The following UGGT2 variants were observed in gnomAD, a reference collection of about 807,000 sequenced individuals.
The protein encoded by UGGT2 is UDP-glucose:glycoprotein glucosyltransferase 2.
Under a neutral mutation model 192.1 loss-of-function variants are expected in UGGT2, and 180 were observed. The ratio of observed to expected loss-of-function variants is 0.94; its 90% CI spans 0.83 to 1.06. UGGT2 has a LOEUF of 1.06. Among genes scored for constraint, UGGT2 ranks in the 50% least tolerant of loss-of-function variants. UGGT2 has a pLI of 0.00. For missense variants in UGGT2, 1,849 were observed against 1,795.7 expected (o/e 1.03, Z -0.54); for synonymous variants, 580 against 591.0 (o/e 0.98, Z 0.27).
chr13:96,044,350 C>T (rs1443895995), intron 1 of UGGT2, among the ~76,000 whole-genome samples: 2 of 152,152 alleles, frequency 1.3e-5, no homozygotes, highest in Non-Finnish European at 2.9e-5. Context: ...CTCTGGGATA[C>T]AGCAAAGGCT....
At chr13:95,859,744 T>TG in intron 32 of UGGT2, 69 bp from the exon 33 acceptor site, 1 of 1,167,050 alleles carries the variant, frequency 8.6e-7, no homozygotes. Flanking sequence ...TTTTTAACCT[T>TG]GAAGTGTTTT....
chr13:95,990,576 T>C (rs1305440433), intron 7 of UGGT2: 5 of 152,218 alleles, frequency 3.3e-5, no homozygotes, highest in African/African-American at 9.6e-5. Flanking sequence ...CAAATAATGA[T>C]GTAGTAGAAT....
At position 96,031,976 on chromosome 13, in the gene UGGT2, T is replaced by TA. The variant is rs2052849762; in HGVS notation, c.159-6dup. 7 of 1,600,072 alleles carry TA rather than the reference T, an allele frequency of 4.4e-6. No individual in the cohort carries two copies. The highest frequency in any genetic ancestry group is 5.1e-6 in the Non-Finnish European group (6 of 1,169,252). On this transcript the variant is annotated splice_polypyrimidine_tract_variant and splice_region_variant and intron_variant, in intron 1 of 38. Coordinates refer to ENST00000376747, the MANE Select transcript of UGGT2 (RefSeq NM_020121.4). ...CTTTCTTCTGCCATAAATTCACTAT[T>TA]AAAAAAATAGAAGTAATCGGTTAGT...
chr13:95,880,013 G>A lies in UGGT2; in HGVS notation c.3229-2157C>T, dbSNP rs557368128. ...CCCATCAACCTGCCATCTACATTAG[G>A]TATTTCTCCTAATGCTATCCCTTCC... On this transcript the variant is annotated intron_variant, in intron 27 of 38. Coordinates refer to ENST00000376747, the MANE Select transcript of UGGT2 (RefSeq NM_020121.4). 9.2e-5 allele frequency among the ~76,000 whole-genome samples: 14 copies of A among 152,164 alleles called. No homozygotes were observed. In the South Asian group the frequency reaches 2.9e-3, roughly 32 times the overall value.
chr13:95,878,249 T>G (rs1365520822), intron 27 of UGGT2, among the ~76,000 whole-genome samples: 1 of 152,100 alleles, frequency 6.6e-6, no homozygotes, highest in African/African-American at 2.4e-5. Context: ...ATTAAAAAAA[T>G]TAATGTCTAT....
At chr13:95,910,020 C>G (rs958980756) in intron 20 of UGGT2, among the ~76,000 whole-genome samples, 20 of 151,968 alleles carry the variant, frequency 1.3e-4, no homozygotes, top group South Asian at 1.0e-3. Flanking sequence ...GAAATAAAAT[C>G]CTTTACAGAC....
At chr13:95,996,268 G>A (rs1252799167) in intron 6 of UGGT2, 133 bp from the exon 7 acceptor site, 9 of 697,706 alleles carry the variant, frequency 1.3e-5, no homozygotes, top group South Asian at 5.2e-5. Flanking sequence ...TTGGGAGGCC[G>A]AGGTGGGTAA....
At chr13:95,861,866 A>G (rs1236341737) in intron 31 of UGGT2, among the ~76,000 whole-genome samples, 1 of 150,442 alleles carries the variant, frequency 6.6e-6, no homozygotes, top group Non-Finnish European at 1.5e-5. Context: ...TCAAAGCATC[A>G]TAAGACACAC....
At chr13:95,932,311 TTGTG>T (rs67135742) in intron 17 of UGGT2, among the ~76,000 whole-genome samples, 28,045 of 139,302 alleles carry the variant, frequency 0.2, 3,187 homozygotes, top group Admixed American at 0.26. Flanking sequence ...GGTATTTTAT[TTGTG>T]TGTGTGTGTG....
chr13:96,037,964 G>A (rs968021152), intron 1 of UGGT2, among the ~76,000 whole-genome samples: 1 of 152,196 alleles, frequency 6.6e-6, no homozygotes, highest in African/African-American at 2.4e-5. Flanking sequence ...AACAGATTTG[G>A]TTCTGAAAGA....
chr13:95,893,760 T>TA (rs397780365), intron 24 of UGGT2, among the ~76,000 whole-genome samples: 5 of 152,166 alleles, frequency 3.3e-5, no homozygotes, highest in Admixed American at 2.0e-4. Flanking sequence ...AGTATTTTTT[T>TA]AAAAAGCAGT....
intron 20 of UGGT2, among the ~76,000 whole-genome samples, chr13:95,911,508 A>G (rs1267346182): frequency 6.6e-6 from 1 of 152,230 alleles, no homozygotes; most frequent in African/African-American, 2.4e-5. Context: ...ATTCCTGGAC[A>G]CATACACCCT....
intron 20 of UGGT2, among the ~76,000 whole-genome samples, chr13:95,911,590 T>C (rs1322504613): frequency 6.6e-6 from 1 of 152,142 alleles, no homozygotes; most frequent in African/African-American, 2.4e-5. Flanking sequence ...GAGGCAATAA[T>C]TAATAGCCTA....
chr13:96,040,445 A>G (rs1003909553), intron 1 of UGGT2, among the ~76,000 whole-genome samples: 1 of 152,148 alleles, frequency 6.6e-6, no homozygotes, highest in Admixed American at 6.5e-5. Flanking sequence ...GCCCATCTAG[A>G]TAATCCAAGA....
chr13:95,934,867 G>A (rs1218620043), intron 17 of UGGT2, among the ~76,000 whole-genome samples: 2 of 152,184 alleles, frequency 1.3e-5, no homozygotes, highest in Non-Finnish European at 2.9e-5. Context: ...GTGAGTTGAA[G>A]TCTCCCACTA....
chr13:95,902,532 T>C (rs1325312874), intron 21 of UGGT2, among the ~76,000 whole-genome samples: 1 of 150,764 alleles, frequency 6.6e-6, no homozygotes, highest in Non-Finnish European at 1.5e-5. Context: ...ACCCCCCCCA[T>C]AATGGACCCC....
chr13:96,012,468 TAGG>T (rs1258789579), intron 5 of UGGT2, among the ~76,000 whole-genome samples: 1 of 151,704 alleles, frequency 6.6e-6, no homozygotes, highest in Admixed American at 6.6e-5. Flanking sequence ...AGAAATGCAC[TAGG>T]AGAAGATACT....
intron 22 of UGGT2, 23 bp downstream of exon 22, chr13:95,900,784 G>A (rs369096547): frequency 1.9e-6 from 3 of 1,597,142 alleles, no homozygotes; most frequent in African/African-American, 1.3e-5. Flanking sequence ...TGAGAAAAGA[G>A]AGCAATAGCT....
Position 96,053,294 on chromosome 13 carries a change from T to C in UGGT2, c.19A>G (p.Thr7Ala). MAPAKATNVVRLLLGST... is the reference protein window; with the variant it reads MAPAKAANVVRLLLGST... ...CCTAGTAGCAGCCGCACCACGTTCG[T>C]GGCTTTCGCTGGCGCCATGGCACGG... Residue 7 changes from threonine (T) to alanine (A), a missense_variant, in exon 1 of 39, where the codon ACG becomes GCG. Physicochemically the swap from Thr to Ala is moderately conservative, Grantham distance 58. Transcript: ENST00000376747. 6.3e-7 allele frequency: 1 copy of C among 1,578,440 alleles called. No individual in the cohort carries two copies.
Sources: gnomAD v4.1 joint callset for allele counts (sites outside exome capture counted in the v4.1 genomes callset) on GRCh38, gnomAD v4.1.1 for gene constraint, MANE v1.5 for transcripts, NCBI Gene and HGNC (gene_info 2026-07-23, HGNC 2026-07-21) for gene names.